The following NFIA variants were observed in gnomAD, a reference collection of about 807,000 sequenced individuals.
The protein encoded by NFIA is nuclear factor 1 A-type.
NFIA carries 8 observed loss-of-function variants against 62.8 expected under a neutral mutation model. The ratio of observed to expected loss-of-function variants is 0.13; its 90% CI spans 0.07 to 0.23. NFIA has a LOEUF of 0.23. Among genes scored for constraint, NFIA ranks in the 10% least tolerant of loss-of-function variants. The pLI, the probability that NFIA is intolerant of heterozygous loss-of-function variation, is 1.00. For missense variants in NFIA, 410 were observed against 642.1 expected (o/e 0.64, Z 3.91); for synonymous variants, 235 against 238.1 (o/e 0.99, Z 0.12).
At chr1:61,449,096 A>G (rs985757267) in intron 10 of NFIA, among the ~76,000 whole-genome samples, 3 of 152,210 alleles carry the variant, frequency 2.0e-5, no homozygotes, top group African/African-American at 4.8e-5. Flanking sequence ...GCAGCAGTCC[A>G]TGTTACAAAA....
At chr1:61,323,874 A>T (rs1260159069) in intron 3 of NFIA, among the ~76,000 whole-genome samples, 1 of 152,192 alleles carries the variant, frequency 6.6e-6, no homozygotes, top group African/African-American at 2.4e-5. Context: ...CCTGTGGACA[A>T]TGTGAGATAA....
rs376512458 is a variant in NFIA, at chr1:61,461,646, G to C, written c.*6326G>C. ...GGTCGTGAGAACAGGGAGACAGTGT[G>C]TGGGGGTGGGACCTCATCTGTGTGC... On this transcript the variant is annotated 3_prime_UTR_variant, in exon 11 of 11. Coordinates refer to ENST00000403491, the MANE Select transcript of NFIA (RefSeq NM_001134673.4). The C allele has an allele frequency of 7.9e-5, 12 of 152,328 alleles. No homozygotes were observed. In the East Asian group the frequency reaches 1.9e-3, roughly 24 times the overall value. 9.4% of individuals were successfully genotyped at this position (152,328 alleles called of 1,614,324 possible).
At chr1:61,215,971 T>G (rs1053936875) in intron 2 of NFIA, among the ~76,000 whole-genome samples, 6 of 152,202 alleles carry the variant, frequency 3.9e-5, no homozygotes, top group African/African-American at 1.4e-4. Context: ...ATGGCTTATT[T>G]GCCATGAACT....
intron 2 of NFIA, among the ~76,000 whole-genome samples, chr1:61,151,378 A>G (rs2100521178): frequency 1.1e-5 from 1 of 95,014 alleles, no homozygotes; most frequent in South Asian, 4.4e-4. Context: ...CCTGGCTAAT[A>G]CAGCTTTTTT....
At chr1:61,348,927 G>A (rs1213257544) in intron 4 of NFIA, among the ~76,000 whole-genome samples, 2 of 152,176 alleles carry the variant, frequency 1.3e-5, no homozygotes, top group African/African-American at 4.8e-5. Flanking sequence ...TAAATCCAGA[G>A]CTATGACACT....
At chr1:61,290,038 A>G (rs1658773639) in intron 3 of NFIA, among the ~76,000 whole-genome samples, 1 of 144,426 alleles carries the variant, frequency 6.9e-6, no homozygotes, top group African/African-American at 2.5e-5. Flanking sequence ...TTGACAAAAT[A>G]TACATCTTTA....
intron 2 of NFIA, among the ~76,000 whole-genome samples, chr1:61,144,365 T>C (rs1647772420): frequency 1.3e-5 from 2 of 152,240 alleles, no homozygotes; most frequent in East Asian, 1.9e-4. Context: ...CTATGGCAGA[T>C]AGCTCTCTGG....
chr1:61,432,610 TAC>T (rs71050127), intron 10 of NFIA, among the ~76,000 whole-genome samples: 2 of 55,764 alleles, frequency 3.6e-5, no homozygotes, highest in Non-Finnish European at 4.1e-5. Context: ...TATATATATA[TAC>T]ACACACACAC....
chr1:61,306,294 T>TTTTAA (rs748026405), intron 3 of NFIA, among the ~76,000 whole-genome samples: 1 of 109,704 alleles, frequency 9.1e-6, no homozygotes, highest in African/African-American at 3.6e-5. Flanking sequence ...TTTTTTTTTT[T>TTTTAA]AAGACAGAGT....
intron 3 of NFIA, among the ~76,000 whole-genome samples, chr1:61,309,890 AG>A (rs1392826558): frequency 1.3e-5 from 2 of 152,232 alleles, no homozygotes; most frequent in East Asian, 3.8e-4. Flanking sequence ...CGCCGTCTCC[AG>A]AAATAAATAA....
intron 2 of NFIA, among the ~76,000 whole-genome samples, chr1:61,184,914 A>G (rs958614041): frequency 6.6e-6 from 1 of 152,358 alleles, no homozygotes; most frequent in South Asian, 2.1e-4. Flanking sequence ...CCCAGACATA[A>G]CACACAGTTC....
chr1:61,248,427 A>G lies in NFIA; in HGVS notation c.560-29093A>G, dbSNP rs140585277. Among the ~76,000 whole-genome samples the G allele has an allele frequency of 9.2e-5, 14 of 152,080 alleles. No individual in the cohort carries two copies. The East Asian group carries it at 2.7e-3, about 29-fold the overall frequency. ...GAGGTAGGGTTTCAGGCTTTCTGGA[A>G]CCCCCAAACTTGAATTGGTCCACAG... On this transcript the variant is annotated intron_variant, in intron 2 of 10. Transcript: ENST00000403491.
At position 61,145,632 on chromosome 1, in the gene NFIA, G is replaced by A. The variant is rs192286648; in HGVS notation, c.559+56952G>A. Among the ~76,000 whole-genome samples, 214 of 152,230 alleles carry A rather than the reference G, an allele frequency of 1.4e-3. 1 individual carries two copies. The highest frequency in any genetic ancestry group is 5.0e-3 in the African/African-American group (206 of 41,532). On this transcript the variant is annotated intron_variant, in intron 2 of 10. Transcript: ENST00000403491. Reference sequence around the variant, plus strand: ...ATGGGCATGTGTGTAGGTGTCTCTGGAGTAATGCGTTATATGCAGGTGTTG... The same window carrying A: ...ATGGGCATGTGTGTAGGTGTCTCTGAAGTAATGCGTTATATGCAGGTGTTG...
chr1:61,433,147 T>C (rs1667178428), intron 10 of NFIA, among the ~76,000 whole-genome samples: 1 of 152,222 alleles, frequency 6.6e-6, no homozygotes, highest in Non-Finnish European at 1.5e-5. Context: ...TCAGAAGCCT[T>C]GAAGTTAGTC....
intron 2 of NFIA, among the ~76,000 whole-genome samples, chr1:61,135,788 T>A (rs1372263669): frequency 6.6e-6 from 1 of 152,196 alleles, no homozygotes; most frequent in Non-Finnish European, 1.5e-5. Context: ...ACGACAGTCA[T>A]CCAGGTTTAC....
intron 2 of NFIA, among the ~76,000 whole-genome samples, chr1:61,142,072 G>A (rs1292786423): frequency 1.3e-5 from 2 of 151,922 alleles, no homozygotes; most frequent in Admixed American, 1.3e-4. Context: ...GGGCCTTAGT[G>A]AGTTTTTTTT....
At chr1:61,420,405 C>T (rs1413834852) in intron 9 of NFIA, among the ~76,000 whole-genome samples, 1 of 151,280 alleles carries the variant, frequency 6.6e-6, no homozygotes, top group Non-Finnish European at 1.5e-5. Context: ...CATGACAGTG[C>T]AGTTAAAAGA....
At chr1:61,409,844 G>C (rs1384596351) in intron 9 of NFIA, among the ~76,000 whole-genome samples, 12 of 152,214 alleles carry the variant, frequency 7.9e-5, no homozygotes. Flanking sequence ...GACTAGTCAT[G>C]TCCAGTTTTT....
intron 2 of NFIA, among the ~76,000 whole-genome samples, chr1:61,106,047 C>T (rs963058520): frequency 7.9e-5 from 12 of 151,598 alleles, no homozygotes; most frequent in African/African-American, 2.9e-4. Flanking sequence ...AAGCTTTGAA[C>T]TCATTTATCA....
Sources: gnomAD v4.1 joint callset for allele counts (sites outside exome capture counted in the v4.1 genomes callset) on GRCh38, gnomAD v4.1.1 for gene constraint, MANE v1.5 for transcripts, NCBI Gene and HGNC (gene_info 2026-07-23, HGNC 2026-07-21) for gene names.